The following CLNK variants were observed in gnomAD, a reference collection of about 807,000 sequenced individuals.
CLNK encodes cytokine-dependent hematopoietic cell linker.
In CLNK, 74 loss-of-function variants were observed where a neutral mutation model predicts 68.6. That is an observed-to-expected ratio of 1.08 (90% CI 0.89 to 1.31). CLNK has a LOEUF of 1.31. CLNK is among the 50% of genes most tolerant of loss of function. The pLI is 0.00. For missense variants in CLNK, 553 were observed against 515.3 expected (o/e 1.07, Z -0.71); for synonymous variants, 198 against 172.2 (o/e 1.15, Z -1.17).
At position 10,631,180 on chromosome 4, in the gene CLNK, A is replaced by G. The variant is rs556727001; in HGVS notation, c.12-33131T>C. Among the ~76,000 whole-genome samples, 10 of 152,276 alleles carry G rather than the reference A, an allele frequency of 6.6e-5. No homozygotes were observed. The East Asian group carries it at 1.7e-3, about 26-fold the overall frequency. ...GTAAATATGGTGAGGTCAGCCCCGA[A>G]GAGCTCTACAGGTTCTAGGCAGAGT... On this transcript the variant is annotated intron_variant, in intron 2 of 18. Coordinates refer to ENST00000226951, the MANE Select transcript of CLNK (RefSeq NM_052964.4).
At chr4:10,536,103 T>C (rs1468886177) in intron 11 of CLNK, among the ~76,000 whole-genome samples, 1 of 152,108 alleles carries the variant, frequency 6.6e-6, no homozygotes, top group Non-Finnish European at 1.5e-5. Context: ...TGAAACACAA[T>C]AGCTGGAACC....
At chr4:10,663,631 C>T (rs1385660254) in intron 2 of CLNK, among the ~76,000 whole-genome samples, 1 of 152,196 alleles carries the variant, frequency 6.6e-6, no homozygotes, top group African/African-American at 2.4e-5. Context: ...CATAGGTTCA[C>T]ATACACATGT....
chr4:10,588,505 A>C (rs1160931324), intron 3 of CLNK, among the ~76,000 whole-genome samples: 1 of 152,188 alleles, frequency 6.6e-6, no homozygotes, highest in Non-Finnish European at 1.5e-5. Context: ...AGTAGCACCA[A>C]ACAGAAAATA....
intron 2 of CLNK, among the ~76,000 whole-genome samples, chr4:10,643,366 G>A (rs960171902): frequency 7.2e-5 from 11 of 152,182 alleles, no homozygotes; most frequent in Non-Finnish European, 1.5e-4. Flanking sequence ...TTATATACTT[G>A]GGATGCATAA....
rs71281268 is a variant in CLNK at position 10,654,384 on chromosome 4, A to AATATATATATATATATATATATATAT, written c.11+13474_11+13475insATATATATATATATATATATATATAT. Among the ~76,000 whole-genome samples the AATATATATATATATATATATATATAT allele has an allele frequency of 8.1e-3, 682 of 83,908 alleles. 44 individuals are homozygous for AATATATATATATATATATATATATAT. Among genetic ancestry groups the AATATATATATATATATATATATATAT allele is most frequent in the South Asian group, 0.02 (54 of 2,658 alleles). 55.0% of individuals were successfully genotyped at this position (83,908 alleles called of 152,430 possible). ...TATATAGATAAATATATATTGATTA[A>AATATATATATATATATATATATATAT]ATATATATATATATATATAGAAAGT... On this transcript the variant is annotated intron_variant, in intron 2 of 18. Coordinates refer to ENST00000226951, the MANE Select transcript of CLNK (RefSeq NM_052964.4).
the CLNK span, among the ~76,000 whole-genome samples, chr4:10,691,146 C>G: frequency 6.6e-6 from 1 of 151,982 alleles, no homozygotes; most frequent in Admixed American, 6.6e-5. Flanking sequence ...GAAGAATTAG[C>G]TTTGGGGGTC....
intron 2 of CLNK, among the ~76,000 whole-genome samples, chr4:10,619,449 C>T (rs765344344): frequency 1.1e-4 from 17 of 151,978 alleles, no homozygotes; most frequent in African/African-American, 2.7e-4. Context: ...TAACCTTGTT[C>T]GAAATAAAAT....
At position 10,546,245 on chromosome 4, in the gene CLNK, A is replaced by G. The variant is rs184324415; in HGVS notation, c.446-3965T>C. Among the ~76,000 whole-genome samples, 611 of 152,276 alleles carry G rather than the reference A, an allele frequency of 4.0e-3. 3 individuals are homozygous for G. The highest frequency in any genetic ancestry group is 6.8e-3 in the Middle Eastern group (2 of 294). On this transcript the variant is annotated intron_variant, in intron 8 of 18. Transcript: ENST00000226951. ...ATTTATCCACTCTACTTCTCTTTTAATTAAAAATTCTGTAAATTATTTCTC... is the reference window on the plus strand; with the variant it reads ...ATTTATCCACTCTACTTCTCTTTTAGTTAAAAATTCTGTAAATTATTTCTC...
the CLNK span, among the ~76,000 whole-genome samples, chr4:10,730,061 G>A: frequency 6.6e-6 from 1 of 152,192 alleles, no homozygotes; most frequent in Non-Finnish European, 1.5e-5. Flanking sequence ...GTGAGGTGAT[G>A]ATTAAAAGCC....
At chr4:10,529,963 A>T (rs1463918857) in intron 12 of CLNK, among the ~76,000 whole-genome samples, 1 of 151,954 alleles carries the variant, frequency 6.6e-6, no homozygotes, top group East Asian at 1.9e-4. Context: ...TATCTCTTTT[A>T]TTACCTCTCT....
intron 2 of CLNK, among the ~76,000 whole-genome samples, chr4:10,659,737 CT>C (rs1483113891): frequency 6.6e-6 from 1 of 152,214 alleles, no homozygotes; most frequent in Non-Finnish European, 1.5e-5. Context: ...GACCTGATCT[CT>C]CTTTACCAGG....
At chr4:10,660,233 T>A (rs1280110616) in intron 2 of CLNK, among the ~76,000 whole-genome samples, 2 of 152,236 alleles carry the variant, frequency 1.3e-5, no homozygotes, top group African/African-American at 4.8e-5. Context: ...TAATTGAATT[T>A]GTCAAATTAG....
intron 15 of CLNK, among the ~76,000 whole-genome samples, chr4:10,516,788 C>A (rs546491849): frequency 6.6e-6 from 1 of 152,062 alleles, no homozygotes; most frequent in Non-Finnish European, 1.5e-5. Context: ...TGATCTCAGG[C>A]GATCCGCCCA....
At chr4:10,574,512 C>T (rs1720477687) in intron 4 of CLNK, among the ~76,000 whole-genome samples, 2 of 152,162 alleles carry the variant, frequency 1.3e-5, no homozygotes, top group African/African-American at 4.8e-5. Context: ...CTGCCTTCCG[C>T]AAGAACATTT....
intron 2 of CLNK, among the ~76,000 whole-genome samples, chr4:10,654,716 C>T (rs1560264553): frequency 6.6e-6 from 1 of 151,868 alleles, no homozygotes; most frequent in Non-Finnish European, 1.5e-5. Context: ...TTGTCTGCAT[C>T]CCATCAAAAA....
chr4:10,616,827 C>T lies in CLNK; in HGVS notation c.12-18778G>A, dbSNP rs1350780682. On this transcript the variant is annotated intron_variant, in intron 2 of 18. Coordinates refer to ENST00000226951, the MANE Select transcript of CLNK (RefSeq NM_052964.4). ...ATATATATATATATATATATATACA[C>T]GCATTTTTTTTTCTAGAGAATTGTT... Among the ~76,000 whole-genome samples, 22 of 50,096 alleles carry T rather than the reference C, an allele frequency of 4.4e-4. 1 individual carries two copies. Among genetic ancestry groups the T allele is most frequent in the Non-Finnish European group, 7.7e-4 (15 of 19,480 alleles). The allele number at this position is 50,096 out of a possible 152,430, so 32.9% of individuals were successfully genotyped here. A position where few individuals can be genotyped will look rare whatever the true frequency, so the allele number is the denominator to read the frequency against.
intron 1 of CLNK, among the ~76,000 whole-genome samples, chr4:10,673,669 G>C (rs1025359311): frequency 6.6e-6 from 1 of 151,918 alleles, no homozygotes; most frequent in Admixed American, 6.6e-5. Context: ...GGCCTGTCAG[G>C]GGGTGGGGGG....
chr4:10,558,620 C>T (rs1293900464), intron 7 of CLNK, among the ~76,000 whole-genome samples, 168 bp from the exon 8 acceptor site: 2 of 152,124 alleles, frequency 1.3e-5, no homozygotes, highest in African/African-American at 2.4e-5. Flanking sequence ...AATACATGCA[C>T]CTCTGCCAAT....
At chr4:10,522,572 C>A (rs1378866045) in intron 14 of CLNK, among the ~76,000 whole-genome samples, 172 of 116,324 alleles carry the variant, frequency 1.5e-3, no homozygotes, top group Non-Finnish European at 1.6e-3. Context: ...GAAACTCTCT[C>A]AAAAAAAAAA....
Sources: allele counts gnomAD v4.1 joint callset (sites outside exome capture counted in the v4.1 genomes callset), GRCh38; gene constraint gnomAD v4.1.1; transcripts MANE v1.5; gene names NCBI Gene and HGNC (gene_info 2026-07-23, HGNC 2026-07-21).